The following OSBPL3 variants were observed in gnomAD, a reference collection of about 807,000 sequenced individuals.
OSBPL3 encodes oxysterol-binding protein-related protein 3.
Under a neutral mutation model 120.1 loss-of-function variants are expected in OSBPL3, and 65 were observed. That is an observed-to-expected ratio of 0.54 (90% CI 0.44 to 0.67). The LOEUF is 0.67. Among genes scored for constraint, OSBPL3 ranks in the 30% least tolerant of loss-of-function variants. The pLI is 0.00. For synonymous variants in OSBPL3, 416 were observed against 402.6 expected (o/e 1.03, Z -0.40); for missense variants, 1,004 against 1,082.1 (o/e 0.93, Z 1.01).
chr7:24,798,920 T>C lies in OSBPL3; in HGVS notation c.*1263A>G, dbSNP rs560210147. The C allele has an allele frequency of 2.0e-4, 31 of 152,756 alleles. No homozygotes were observed. Among genetic ancestry groups the C allele is most frequent in the Admixed American group, 1.9e-3 (29 of 15,298 alleles). 9.5% of individuals were successfully genotyped at this position (152,756 alleles called of 1,614,324 possible). A position where few individuals can be genotyped will look rare whatever the true frequency, so the allele number is the denominator to read the frequency against. On this transcript the variant is annotated 3_prime_UTR_variant, in exon 23 of 23. Coordinates refer to ENST00000313367, the MANE Select transcript of OSBPL3 (RefSeq NM_015550.4). This position sits in a 1 kb window ranked among gnomAD's most constrained non-coding sequence, Gnocchi z 4.6. ...GATAACACAATTCAACTACTACACA[T>C]ATTATTGTAATGTGAAATAACACAT...
rs1799179272 is a variant in OSBPL3, at chr7:24,851,744, A to AC, written c.1158+759_1158+760insG. On this transcript the variant is annotated intron_variant, in intron 11 of 22. Transcript: ENST00000313367. This position sits in a 1 kb window ranked among gnomAD's most constrained non-coding sequence, Gnocchi z 4.1. ...TGATAGATTCAGGGTAAAAAAAAAAAAACGAGATAACTTTATTCAAATAGA... is the reference window on the plus strand; with the variant it reads ...TGATAGATTCAGGGTAAAAAAAAAAACAACGAGATAACTTTATTCAAATAGA... 1.3e-5 allele frequency among the ~76,000 whole-genome samples: 2 copies of AC among 152,234 alleles called. No individual in the cohort carries two copies. The highest frequency in any genetic ancestry group is 2.4e-5 in the African/African-American group (1 of 41,562).
At chr7:24,907,514 T>C (rs1361767402) in intron 1 of OSBPL3, among the ~76,000 whole-genome samples, 2 of 150,492 alleles carry the variant, frequency 1.3e-5, no homozygotes, top group Non-Finnish European at 3.0e-5. Flanking sequence ...AGTTACACTT[T>C]GGCTGTTATC....
intron 14 of OSBPL3, among the ~76,000 whole-genome samples, chr7:24,839,752 G>T (rs996856065): frequency 2.6e-5 from 4 of 152,076 alleles, no homozygotes; most frequent in Non-Finnish European, 5.9e-5. Flanking sequence ...ACTCTGGGAG[G>T]CAGAGGCAGG....
Position 24,806,081 on chromosome 7 carries a change from C to T in OSBPL3, c.2444+695G>A, listed in dbSNP as rs1052421861. On this transcript the variant is annotated intron_variant, in intron 21 of 22. Coordinates refer to ENST00000313367, the MANE Select transcript of OSBPL3 (RefSeq NM_015550.4). The surrounding 1 kb of genome is among the most constrained non-coding windows in gnomAD (Gnocchi z 5.2). ...AAGCAATTCTCGTGCCTCAGCCTCC[C>T]AAGTAGTTGGGACTACGGGCATGTG... Among the ~76,000 whole-genome samples, 105 of 152,304 alleles carry T rather than the reference C, an allele frequency of 6.9e-4. No individual in the cohort carries two copies. Among genetic ancestry groups the T allele is most frequent in the African/African-American group, 2.3e-3 (96 of 41,572 alleles).
chr7:24,807,882 G>A (rs1316509619), intron 20 of OSBPL3, among the ~76,000 whole-genome samples: 1 of 152,094 alleles, frequency 6.6e-6, no homozygotes, highest in African/African-American at 2.4e-5. Flanking sequence ...ATGCTTGCCA[G>A]TAACTCTTCT....
rs370484676 is a variant in OSBPL3 at position 24,851,292 on chromosome 7, T to C, written c.1158+1212A>G. Among the ~76,000 whole-genome samples, 7 of 152,362 alleles carry C rather than the reference T, an allele frequency of 4.6e-5. No individual in the cohort carries two copies. In the East Asian group the frequency reaches 9.6e-4, roughly 21 times the overall value. On this transcript the variant is annotated intron_variant, in intron 11 of 22. Transcript: ENST00000313367. The surrounding 1 kb of genome is among the most constrained non-coding windows in gnomAD (Gnocchi z 4.1). Reference sequence around the variant, plus strand: ...AAGGGGGCGATTCTATCTGTGACCTTAAGACAACGTTAAGACTCTTCTTTA... The same window carrying C: ...AAGGGGGCGATTCTATCTGTGACCTCAAGACAACGTTAAGACTCTTCTTTA...
At position 24,916,661 on chromosome 7, in the gene OSBPL3, T is replaced by C. The variant is rs975482248; in HGVS notation, c.-149-24040A>G. On this transcript the variant is annotated intron_variant, in intron 1 of 22. Coordinates refer to ENST00000313367, the MANE Select transcript of OSBPL3 (RefSeq NM_015550.4). The surrounding 1 kb of genome is among the most constrained non-coding windows in gnomAD (Gnocchi z 4.9). ...TGTGTCTCAACTGTTGGAGAAACAT[T>C]ATGTGCCATGCTCTAAGGTGAAAGA... 6.6e-6 allele frequency among the ~76,000 whole-genome samples: 1 copy of C among 152,100 alleles called. No individual in the cohort carries two copies. The highest frequency in any genetic ancestry group is 1.5e-5 in the Non-Finnish European group (1 of 68,022).
At chr7:24,963,124 T>G (rs1422172282) in intron 1 of OSBPL3, among the ~76,000 whole-genome samples, 1 of 152,190 alleles carries the variant, frequency 6.6e-6, no homozygotes, top group Non-Finnish European at 1.5e-5. Context: ...TAATACCAGG[T>G]TGATTGGGCC....
At position 24,820,290 on chromosome 7, in the gene OSBPL3, C is replaced by T. The variant is rs1794965669; in HGVS notation, c.1885-52G>A. On this transcript the variant is annotated intron_variant, in intron 16 of 22. Transcript: ENST00000313367. This position sits in a 1 kb window ranked among gnomAD's most constrained non-coding sequence, Gnocchi z 4.6. Reference sequence around the variant, plus strand: ...AAAAAATGAATGAACTTTTGTGTCTCATGAAATCCATTCTTTCTCCCCTGC... The same window carrying T: ...AAAAAATGAATGAACTTTTGTGTCTTATGAAATCCATTCTTTCTCCCCTGC... 1 of 1,339,094 alleles carries T rather than the reference C, an allele frequency of 7.5e-7. No homozygotes were observed. Among genetic ancestry groups the T allele is most frequent in the Non-Finnish European group, 1.1e-6 (1 of 938,960 alleles). The allele number at this position is 1,339,094 out of a possible 1,614,324, so 83.0% of individuals were successfully genotyped here. A position where few individuals can be genotyped will look rare whatever the true frequency, so the allele number is the denominator to read the frequency against.
chr7:24,870,670 TATA>T (rs1801979039), intron 5 of OSBPL3, 59 bp downstream of exon 5: 1 of 1,011,888 alleles, frequency 9.9e-7, no homozygotes, highest in East Asian at 2.4e-5. Context: ...TTACCAATAG[TATA>T]ATAACTGATG....
chr7:24,945,209 C>A (rs1309610827), intron 1 of OSBPL3, among the ~76,000 whole-genome samples: 2 of 152,154 alleles, frequency 1.3e-5, no homozygotes, highest in African/African-American at 4.8e-5. Context: ...CTCCTTCAAT[C>A]AACCCTTCTT....
At chr7:24,981,107 G>A (rs2128559376), upstream of OSBPL3, among the ~76,000 whole-genome samples, 1 of 152,290 alleles carries the variant, frequency 6.6e-6, no homozygotes, top group East Asian at 1.9e-4. This position sits in a 1 kb window ranked among gnomAD's most constrained non-coding sequence, Gnocchi z 7.3. Flanking sequence ...TACTCACGGG[G>A]CTTGCATTTT....
rs766094708 is a variant in OSBPL3 at position 24,933,032 on chromosome 7, T to A, written c.-149-40411A>T. 6.6e-6 allele frequency among the ~76,000 whole-genome samples: 1 copy of A among 152,188 alleles called. No homozygotes were observed. Among genetic ancestry groups the A allele is most frequent in the Non-Finnish European group, 1.5e-5 (1 of 68,028 alleles). ...GCTGCACCAACTCCAGTCTTCACGG[T>A]TCACAGGAGGAGAATGGAAGGGCTG... is the stretch of plus-strand genomic sequence containing the variant. On this transcript the variant is annotated intron_variant, in intron 1 of 22. Coordinates refer to ENST00000313367, the MANE Select transcript of OSBPL3 (RefSeq NM_015550.4). The surrounding 1 kb of genome is among the most constrained non-coding windows in gnomAD (Gnocchi z 5.1).
At chr7:24,910,331 A>G (rs927942192) in intron 1 of OSBPL3, among the ~76,000 whole-genome samples, 26 of 152,164 alleles carry the variant, frequency 1.7e-4, no homozygotes, top group Non-Finnish European at 2.9e-5. Flanking sequence ...CATAGGTCCT[A>G]TGACAACTCC....
intron 1 of OSBPL3, among the ~76,000 whole-genome samples, chr7:24,971,539 T>G (rs2128540058): frequency 6.6e-6 from 1 of 152,284 alleles, no homozygotes; most frequent in Admixed American, 6.5e-5. Context: ...GGCATGTGAC[T>G]GACCTGGCTC....
In OSBPL3 at chr7:24,825,787, A is replaced by G. The variant is rs1196174005; in HGVS notation, c.1884+4981T>C. On this transcript the variant is annotated intron_variant, in intron 16 of 22. Transcript: ENST00000313367. ...ATGTATGGACTCAGAGTCCTCCAAT[A>G]AATAACAGAAAAGGAAGAAAGGCTG... 3.9e-5 allele frequency among the ~76,000 whole-genome samples: 6 copies of G among 152,312 alleles called. No homozygotes were observed. In the East Asian group the frequency reaches 1.2e-3, roughly 29 times the overall value.
In OSBPL3 at chr7:24,892,503, CA is replaced by C. The variant is rs751802334; in HGVS notation, c.-32del. 5.0e-6 allele frequency: 8 copies of C among 1,604,304 alleles called. No homozygotes were observed. The highest frequency in any genetic ancestry group is 6.0e-6 in the Non-Finnish European group (7 of 1,172,724). The stretch of plus-strand genomic sequence containing the variant: ...GCAAGTCACTTGGCCTCGAGACAAT[CA>C]AAATGCCATCAGATGACAAGGGAGC... On this transcript the variant is annotated 5_prime_UTR_variant, in exon 2 of 23. It removes the in-frame stop codon of an upstream open reading frame in the 5' UTR. Coordinates refer to ENST00000313367, the MANE Select transcript of OSBPL3 (RefSeq NM_015550.4).
rs1806872889 is a variant in OSBPL3 at position 24,900,803 on chromosome 7, T to C, written c.-149-8182A>G. ...GGCAACAAGGCGAAACCCCCATCTT[T>C]ACAAAAAATATTAGGTTGGTGTGAA... is the stretch of plus-strand genomic sequence containing the variant. On this transcript the variant is annotated intron_variant, in intron 1 of 22. Transcript: ENST00000313367. The surrounding 1 kb of genome is among the most constrained non-coding windows in gnomAD (Gnocchi z 4.5). Among the ~76,000 whole-genome samples the C allele has an allele frequency of 6.6e-6, 1 of 151,724 alleles. No individual in the cohort carries two copies. The highest frequency in any genetic ancestry group is 1.9e-4 in the East Asian group (1 of 5,164).
intron 6 of OSBPL3, 81 bp from the exon 7 acceptor site, chr7:24,865,546 G>A (rs543604723): frequency 7.2e-7 from 1 of 1,397,084 alleles, no homozygotes; most frequent in East Asian, 2.3e-5. Context: ...ATAACAGAGT[G>A]GGCTAGTCAC....
Sources: allele counts gnomAD v4.1 joint callset (sites outside exome capture counted in the v4.1 genomes callset), GRCh38; gene constraint gnomAD v4.1.1; non-coding constraint Gnocchi (gnomAD v3.1); transcripts MANE v1.5; gene names NCBI Gene and HGNC (gene_info 2026-07-23, HGNC 2026-07-21).